Variants in PLCG2 observed in about 807,000 individuals in gnomAD.
PLCG2 encodes phospholipase C gamma 2, also known as 1-phosphatidylinositol 4,5-bisphosphate phosphodiesterase gamma-2.
In PLCG2, 69 loss-of-function variants were observed where a neutral mutation model predicts 175.6. That is an observed-to-expected ratio of 0.39 (90% confidence interval 0.32 to 0.48). The LOEUF is 0.48. PLCG2 is among the 20% of genes least tolerant of loss of function. The probability of loss-of-function intolerance (pLI) is 0.91; values close to 1 mark genes in which losing one functional copy is unlikely to be tolerated. For missense variants in PLCG2, 1,798 were observed against 1,650.9 expected (o/e 1.09, Z -1.54); for synonymous variants, 827 against 624.0 (o/e 1.33, Z -4.85).
chr16:81,740,738 A>C (rs1336132845), intron 1 of PLCG2, among the ~76,000 whole-genome samples: 2 of 115,100 alleles, frequency 1.7e-5, no homozygotes, highest in African/African-American at 6.5e-5. Context: ...AAAAAAAAAA[A>C]AAAAAAAAAA....
chr16:81,915,277 C>G lies in PLCG2; in HGVS notation c.2054+2561C>G, dbSNP rs979886745. ...TGCCCTCTACATATTTGTAAAGTGCCTCTCCTGTGCCAGGCACTGTTCTGG... is the reference window on the plus strand; with the variant it reads ...TGCCCTCTACATATTTGTAAAGTGCGTCTCCTGTGCCAGGCACTGTTCTGG... On this transcript the variant is annotated intron_variant, in intron 19 of 32. Coordinates refer to ENST00000564138, the MANE Select transcript of PLCG2 (RefSeq NM_002661.5). Among the ~76,000 whole-genome samples the G allele has an allele frequency of 3.3e-5, 5 of 152,278 alleles. No homozygotes were observed. The South Asian group carries it at 1.0e-3, about 32-fold the overall frequency.
chr16:81,890,244 C>G (rs1278301225), intron 10 of PLCG2, among the ~76,000 whole-genome samples: 2 of 152,188 alleles, frequency 1.3e-5, no homozygotes, highest in Non-Finnish European at 2.9e-5. Flanking sequence ...TTAGCAGAAT[C>G]CAGGCTCCTC....
At position 81,856,207 on chromosome 16, in the gene PLCG2, A is replaced by T. The variant is rs144060202; in HGVS notation, c.337+1620A>T. Reference sequence around the variant, plus strand: ...GTTTCCTCCGCATCTGTGTGGGAAGATGAGAGCAGCAGTCTCTGCCATGGG... The same window carrying T: ...GTTTCCTCCGCATCTGTGTGGGAAGTTGAGAGCAGCAGTCTCTGCCATGGG... On this transcript the variant is annotated intron_variant, in intron 3 of 32. Coordinates refer to ENST00000564138, the MANE Select transcript of PLCG2 (RefSeq NM_002661.5). 4.6e-5 allele frequency among the ~76,000 whole-genome samples: 7 copies of T among 152,316 alleles called. 1 individual carries two copies. The East Asian group carries it at 1.3e-3, about 29-fold the overall frequency.
chr16:81,816,739 C>T (rs1904570244), intron 2 of PLCG2, among the ~76,000 whole-genome samples: 1 of 129,670 alleles, frequency 7.7e-6, no homozygotes, highest in South Asian at 2.7e-4. Flanking sequence ...TGGGCTAAAG[C>T]AGTCCTCGCA....
At chr16:81,751,141 C>T (rs761314716) in intron 1 of PLCG2, among the ~76,000 whole-genome samples, 1 of 151,674 alleles carries the variant, frequency 6.6e-6, no homozygotes, top group African/African-American at 2.4e-5. Context: ...CCACCATGCC[C>T]AGCTAATTTT....
chr16:81,911,665 C>T (rs942297828), intron 18 of PLCG2, among the ~76,000 whole-genome samples: 3 of 151,940 alleles, frequency 2.0e-5, no homozygotes, highest in African/African-American at 4.8e-5. Flanking sequence ...GGCTGGAGTG[C>T]AATGGCACGA....
At chr16:81,772,088 A>G (rs764335421) in intron 2 of PLCG2, among the ~76,000 whole-genome samples, 129 of 152,028 alleles carry the variant, frequency 8.5e-4, no homozygotes, top group Admixed American at 1.4e-3. Flanking sequence ...AAGGCTGGAA[A>G]TAGGGTCTTT....
At chr16:81,946,091 A>G (rs779986499) in intron 30 of PLCG2, 84 bp from the exon 31 acceptor site, 7 of 1,005,664 alleles carry the variant, frequency 7.0e-6, no homozygotes, top group African/African-American at 4.7e-5. Context: ...AACTAGGCCT[A>G]TGATCCCGAG....
chr16:81,862,219 G>A (rs746677118), intron 5 of PLCG2, among the ~76,000 whole-genome samples: 7 of 152,272 alleles, frequency 4.6e-5, no homozygotes, highest in African/African-American at 7.2e-5. Context: ...GAAGGCGAGA[G>A]GGGGCAGGCT....
chr16:81,847,810 G>A (rs1198037855), intron 2 of PLCG2, among the ~76,000 whole-genome samples: 1 of 152,162 alleles, frequency 6.6e-6, no homozygotes, highest in South Asian at 2.1e-4. Flanking sequence ...GGTATATGGA[G>A]GGATGTGCAT....
intron 2 of PLCG2, among the ~76,000 whole-genome samples, chr16:81,845,786 A>G (rs1906084646): frequency 1.3e-5 from 2 of 152,218 alleles, no homozygotes; most frequent in South Asian, 4.1e-4. Flanking sequence ...GTCAACAAAA[A>G]TGCCCACCGA....
chr16:81,961,427 T>A lies in PLCG2; in HGVS notation c.*3429T>A, dbSNP rs1911773120. The A allele has an allele frequency of 8.8e-6, 2 of 226,574 alleles. No individual in the cohort carries two copies. The highest frequency in any genetic ancestry group is 6.4e-5 in the East Asian group (1 of 15,538). 14.0% of individuals were successfully genotyped at this position (226,574 alleles called of 1,614,324 possible). A position where few individuals can be genotyped will look rare whatever the true frequency, so the allele number is the denominator to read the frequency against. On this transcript the variant is annotated 3_prime_UTR_variant, in exon 33 of 33. Coordinates refer to ENST00000564138, the MANE Select transcript of PLCG2 (RefSeq NM_002661.5). ...TTTAATAATTTAGTGAAATTTGGGC[T>A]ATGTGTTTATTGATTCAGCTCAATC...
At chr16:81,796,458 G>C (rs1313657575) in intron 2 of PLCG2, among the ~76,000 whole-genome samples, 1 of 152,232 alleles carries the variant, frequency 6.6e-6, no homozygotes, top group African/African-American at 2.4e-5. Context: ...GGGGTGGATT[G>C]GAGGTGGTCT....
rs541011203 is a variant in PLCG2, at chr16:81,857,056, T to G, written c.338-1207T>G. Among the ~76,000 whole-genome samples, 3 of 152,058 alleles carry G rather than the reference T, an allele frequency of 2.0e-5. 1 individual carries two copies. In the South Asian group the frequency reaches 6.3e-4, roughly 32 times the overall value. ...GTCTATTTTAGACTTCTGGCCTCTC[T>G]AACAGTCTGAAAATAAATCTATATT... On this transcript the variant is annotated intron_variant, in intron 3 of 32. Transcript: ENST00000564138.
intron 2 of PLCG2, among the ~76,000 whole-genome samples, chr16:81,852,579 C>T (rs1379798521): frequency 1.3e-5 from 2 of 152,076 alleles, no homozygotes; most frequent in African/African-American, 4.8e-5. Context: ...AGGTTGCTAT[C>T]CTTGCCTGGT....
intron 12 of PLCG2, 110 bp from the exon 13 acceptor site, chr16:81,895,697 G>C (rs1908852157): frequency 8.4e-7 from 1 of 1,197,398 alleles, no homozygotes; most frequent in Non-Finnish European, 1.2e-6. Flanking sequence ...CGAATGGAGG[G>C]AGTGTGGGTG....
In PLCG2 at chr16:81,936,268, G is replaced by C; in HGVS notation, c.2942G>C (p.Gly981Ala). 1 of 1,614,124 alleles carries C rather than the reference G, an allele frequency of 6.2e-7. No homozygotes were observed. The highest frequency in any genetic ancestry group is 8.5e-7 in the Non-Finnish European group (1 of 1,180,016). ...PVDLLKYNQK[G>A]LTRVYPKGQR... ...GACCTCCTGAAGTACAATCAAAAGG[G>C]CCTGACCCGCGTCTACCCAAAGGGA... The change falls in exon 27 of 33, where the codon GGC becomes GCC. Residue 981 changes from glycine (G) to alanine (A), a missense_variant. Gly to Ala is a moderately conservative substitution (Grantham distance 60, BLOSUM62 0). Coordinates refer to ENST00000564138, the MANE Select transcript of PLCG2 (RefSeq NM_002661.5).
intron 24 of PLCG2, 188 bp from the exon 25 acceptor site, chr16:81,931,309 T>C (rs369043484): frequency 8.0e-5 from 39 of 485,186 alleles, no homozygotes; most frequent in African/African-American, 7.1e-4. Flanking sequence ...CTGAATCTAC[T>C]GCATCCCTTG....
At chr16:81,785,921 C>G (rs372331728) in intron 1 of PLCG2, 22 bp from the exon 2 acceptor site, 13 of 1,438,818 alleles carry the variant, frequency 9.0e-6, no homozygotes, top group Middle Eastern at 1.8e-4. Context: ...AATCAGTTCA[C>G]TCTTTAATTC....
Sources: gnomAD v4.1 joint callset for allele counts (sites outside exome capture counted in the v4.1 genomes callset) on GRCh38, gnomAD v4.1.1 for gene constraint, MANE v1.5 for transcripts, NCBI Gene and HGNC (gene_info 2026-07-23, HGNC 2026-07-21) for gene names.